LINGO2: variants seen among roughly 807,000 people sequenced by gnomAD.
LINGO2 encodes the protein leucine rich repeat and Ig domain containing 2.
LINGO2 carries 14 observed loss-of-function variants against 30.6 expected under a neutral mutation model. The ratio of observed to expected loss-of-function variants is 0.46; its 90% CI spans 0.30 to 0.72. The LOEUF (loss-of-function observed/expected upper bound fraction) is 0.72, where lower values mean the gene tolerates loss of function less well. Ranked by LOEUF, LINGO2 falls within the 30% of genes least tolerant of loss-of-function variation. The pLI is 0.07. For synonymous variants in LINGO2, 317 were observed against 288.5 expected (o/e 1.10, Z -1.00); for missense variants, 729 against 751.7 (o/e 0.97, Z 0.35).
chr9:29,096,879 T>C, the LINGO2 span, among the ~76,000 whole-genome samples: 1 of 139,570 alleles, frequency 7.2e-6, no homozygotes, highest in Admixed American at 7.3e-5. Context: ...TTTTCAACAT[T>C]ATACTGATTT....
At chr9:29,060,210 A>G in the LINGO2 span, among the ~76,000 whole-genome samples, 8 of 152,030 alleles carry the variant, frequency 5.3e-5, no homozygotes, top group African/African-American at 1.9e-4. Context: ...AAGTAACCTC[A>G]TATTTCTGGC....
chr9:28,424,032 T>C (rs77943419), intron 2 of LINGO2, among the ~76,000 whole-genome samples: 1 of 152,114 alleles, frequency 6.6e-6, no homozygotes, highest in Non-Finnish European at 1.5e-5. Context: ...ACTGGTATTA[T>C]GGGCTCATGC....
chr9:29,078,709 A>C, the LINGO2 span, among the ~76,000 whole-genome samples: 1 of 152,068 alleles, frequency 6.6e-6, no homozygotes, highest in South Asian at 2.1e-4. Context: ...TGTTCTATTA[A>C]GTTTACAGTA....
At chr9:29,010,377 C>A in the LINGO2 span, among the ~76,000 whole-genome samples, 1 of 152,104 alleles carries the variant, frequency 6.6e-6, no homozygotes, top group East Asian at 1.9e-4. Context: ...GAGAAGATGT[C>A]CCAGAACTGA....
Position 28,134,502 on chromosome 9 carries a change from C to T in LINGO2, c.-86-122097G>A, listed in dbSNP as rs192159995. On this transcript the variant is annotated intron_variant, in intron 4 of 5. Transcript: ENST00000379992. ...AAGTTAGTGCTACCAAGTGCCACTACGATCTGGGCAGAGCCACCTGGGAGG... is the reference window on the plus strand; with the variant it reads ...AAGTTAGTGCTACCAAGTGCCACTATGATCTGGGCAGAGCCACCTGGGAGG... Among the ~76,000 whole-genome samples the T allele has an allele frequency of 8.6e-4, 131 of 152,330 alleles. 2 individuals are homozygous for T. The South Asian group carries it at 0.018, about 21-fold the overall frequency.
At chr9:28,295,645 C>G (rs4540485) in intron 3 of LINGO2, among the ~76,000 whole-genome samples, 11,100 of 152,138 alleles carry the variant, frequency 0.073, 737 homozygotes, top group East Asian at 0.39. Context: ...ACTCACACAT[C>G]CTATATAGTA....
the LINGO2 span, among the ~76,000 whole-genome samples, chr9:28,747,002 A>C: frequency 3.3e-5 from 5 of 152,140 alleles, no homozygotes; most frequent in East Asian, 9.7e-4. Flanking sequence ...TAGAAAGAAG[A>C]GGGTGGTTCC....
intron 5 of LINGO2, among the ~76,000 whole-genome samples, chr9:27,956,968 A>T (rs10968226): frequency 1.3e-5 from 2 of 151,966 alleles, no homozygotes; most frequent in African/African-American, 4.8e-5. Context: ...GGTGGCATGC[A>T]TCTGTATTCC....
At chr9:28,596,734 T>C (rs1016551961) in intron 1 of LINGO2, among the ~76,000 whole-genome samples, 8 of 152,228 alleles carry the variant, frequency 5.3e-5, no homozygotes, top group African/African-American at 1.9e-4. Context: ...CTTTCTTTGA[T>C]GAATACATAA....
chr9:28,317,144 G>A (rs1824874389), intron 3 of LINGO2, among the ~76,000 whole-genome samples: 1 of 152,156 alleles, frequency 6.6e-6, no homozygotes, highest in African/African-American at 2.4e-5. Flanking sequence ...GTGAAACTTT[G>A]AGGTCTGAAG....
At chr9:28,917,842 G>A in the LINGO2 span, among the ~76,000 whole-genome samples, 2 of 151,986 alleles carry the variant, frequency 1.3e-5, no homozygotes, top group African/African-American at 4.8e-5. Flanking sequence ...AGGTGCAAAT[G>A]TATTCTTCTA....
chr9:27,939,907 C>T, the LINGO2 span: 16 of 152,112 alleles, frequency 1.1e-4, no homozygotes, highest in Non-Finnish European at 2.2e-4. Flanking sequence ...CCCAATGTGA[C>T]AATACAAAAT....
the LINGO2 span, among the ~76,000 whole-genome samples, chr9:28,737,018 C>A: frequency 6.6e-6 from 1 of 152,110 alleles, no homozygotes; most frequent in African/African-American, 2.4e-5. Context: ...TATTCCCTTG[C>A]ATATTAGATT....
chr9:28,880,794 C>T, the LINGO2 span, among the ~76,000 whole-genome samples: 4 of 152,126 alleles, frequency 2.6e-5, no homozygotes, highest in Non-Finnish European at 4.4e-5. Context: ...GGAGAAAAAC[C>T]GCCCTATGGT....
downstream of LINGO2, among the ~76,000 whole-genome samples, chr9:27,947,570 G>C (rs527340110): frequency 1.3e-5 from 2 of 152,146 alleles, no homozygotes; most frequent in African/African-American, 4.8e-5. Flanking sequence ...TAATTGGTAA[G>C]GAAGCAGGAA....
At chr9:28,958,119 G>A in the LINGO2 span, among the ~76,000 whole-genome samples, 3,451 of 152,160 alleles carry the variant, frequency 0.023, 105 homozygotes, top group African/African-American at 0.075. Flanking sequence ...CAGTGCAATC[G>A]TAGTAGCCAA....
At chr9:27,961,137 GCTTT>G (rs1340663990) in intron 5 of LINGO2, among the ~76,000 whole-genome samples, 5 of 152,064 alleles carry the variant, frequency 3.3e-5, no homozygotes, top group African/African-American at 1.2e-4. Context: ...TACAAAATAG[GCTTT>G]CTGTTAGATG....
chr9:28,935,865 A>G, the LINGO2 span, among the ~76,000 whole-genome samples: 1 of 152,076 alleles, frequency 6.6e-6, no homozygotes, highest in Admixed American at 6.6e-5. Context: ...CACATACAAA[A>G]AAGCCATGTT....
At chr9:28,844,975 A>T in the LINGO2 span, among the ~76,000 whole-genome samples, 4 of 151,942 alleles carry the variant, frequency 2.6e-5, no homozygotes, top group Non-Finnish European at 4.4e-5. Flanking sequence ...AGAAAATCAT[A>T]TGCTAAGTAG....
Sources: gnomAD v4.1 joint callset for allele counts (sites outside exome capture counted in the v4.1 genomes callset) on GRCh38, gnomAD v4.1.1 for gene constraint, MANE v1.5 for transcripts, NCBI Gene and HGNC (gene_info 2026-07-23, HGNC 2026-07-21) for gene names.